TAFA4: variants seen among roughly 807,000 people sequenced by gnomAD.
The protein encoded by TAFA4 is TAFA chemokine like family member 4.
A neutral mutation model predicts 21.1 loss-of-function variants in TAFA4; 20 were observed. The ratio of observed to expected loss-of-function variants is 0.95; its 90% CI spans 0.67 to 1.38. The LOEUF (loss-of-function observed/expected upper bound fraction) is 1.38. Among genes scored for constraint, TAFA4 ranks in the 40% most tolerant of loss-of-function variants. The pLI is 0.00. For synonymous variants in TAFA4, 71 were observed against 67.4 expected, an observed-to-expected ratio of 1.05 and a Z score of -0.26; for missense variants, 211 against 180.9, an observed-to-expected ratio of 1.17 and a Z score of -0.95.
intron 3 of TAFA4, among the ~76,000 whole-genome samples, chr3:68,760,650 T>C (rs949113113): frequency 1.3e-5 from 2 of 152,170 alleles, no homozygotes; most frequent in Non-Finnish European, 2.9e-5. Flanking sequence ...GGGAGCAGAA[T>C]AGAGGAAAGA....
intron 1 of TAFA4, among the ~76,000 whole-genome samples, chr3:68,910,527 C>G (rs188072724): frequency 6.6e-6 from 1 of 152,286 alleles, no homozygotes; most frequent in East Asian, 1.9e-4. Flanking sequence ...AAAAGAGAAG[C>G]GAGCCAACCC....
intron 3 of TAFA4, among the ~76,000 whole-genome samples, chr3:68,863,970 G>C (rs1456183141): frequency 6.6e-6 from 1 of 151,992 alleles, no homozygotes; most frequent in African/African-American, 2.4e-5. Context: ...ATGGATCACA[G>C]TCCTAAATAT....
At chr3:68,858,086 G>A (rs969220610) in intron 3 of TAFA4, among the ~76,000 whole-genome samples, 4 of 152,132 alleles carry the variant, frequency 2.6e-5, no homozygotes, top group African/African-American at 4.8e-5. Context: ...TCAGCAATCA[G>A]TATGGCAGTG....
intron 4 of TAFA4, among the ~76,000 whole-genome samples, chr3:68,742,868 A>C (rs928392982): frequency 6.6e-6 from 1 of 152,230 alleles, no homozygotes; most frequent in Non-Finnish European, 1.5e-5. Context: ...CTAGAGCCCA[A>C]GTGCTAACGC....
Position 68,737,724 on chromosome 3 carries a change from T to G in TAFA4, c.411+1351A>C, listed in dbSNP as rs192420020. On this transcript the variant is annotated intron_variant, in intron 5 of 5. Coordinates refer to ENST00000295569, the MANE Select transcript of TAFA4 (RefSeq NM_182522.5). ...CACTTAGAAGGAGAACTGGCCTGTT[T>G]TTGACCTCCATGGCTGAAGATGAAT... Among the ~76,000 whole-genome samples the G allele has an allele frequency of 5.9e-5, 9 of 152,338 alleles. No individual in the cohort carries two copies. The East Asian group carries it at 1.7e-3, about 29-fold the overall frequency.
At chr3:68,734,961 TCA>T (rs1314678255) in intron 5 of TAFA4, among the ~76,000 whole-genome samples, 2 of 152,182 alleles carry the variant, frequency 1.3e-5, no homozygotes, top group African/African-American at 2.4e-5. Flanking sequence ...TAAAATGCTC[TCA>T]GACTTATTTT....
intron 3 of TAFA4, among the ~76,000 whole-genome samples, chr3:68,798,786 C>A: frequency 6.6e-6 from 1 of 151,932 alleles, no homozygotes; most frequent in East Asian, 1.9e-4. Flanking sequence ...AATAAAACTA[C>A]ATACAAGATA....
chr3:68,852,985 G>A (rs911091064), intron 3 of TAFA4, among the ~76,000 whole-genome samples: 1 of 152,108 alleles, frequency 6.6e-6, no homozygotes, highest in African/African-American at 2.4e-5. Flanking sequence ...GTGTTCTGAA[G>A]TAATTCCTCC....
chr3:68,833,480 T>C (rs1334850304), intron 3 of TAFA4, among the ~76,000 whole-genome samples: 1 of 152,170 alleles, frequency 6.6e-6, no homozygotes, highest in African/African-American at 2.4e-5. Flanking sequence ...TTGTAGCATG[T>C]CTGAGGAGCT....
chr3:68,877,639 T>C (rs1031981212), intron 3 of TAFA4, among the ~76,000 whole-genome samples: 8 of 152,208 alleles, frequency 5.3e-5, no homozygotes. Flanking sequence ...TTTCTCTCCT[T>C]AAGGTTGAGC....
chr3:68,795,222 C>A (rs1703432790), intron 3 of TAFA4, among the ~76,000 whole-genome samples: 1 of 151,416 alleles, frequency 6.6e-6, no homozygotes, highest in South Asian at 2.1e-4. Flanking sequence ...GATTCAGATA[C>A]TGATAACAGA....
intron 1 of TAFA4, among the ~76,000 whole-genome samples, chr3:68,898,808 A>G (rs2089817523): frequency 6.6e-6 from 1 of 152,082 alleles, no homozygotes; most frequent in African/African-American, 2.4e-5. Flanking sequence ...AAATAAGTAA[A>G]CCCGTTTACT....
chr3:68,914,292 GA>G (rs1398551671), intron 1 of TAFA4, among the ~76,000 whole-genome samples: 1 of 152,128 alleles, frequency 6.6e-6, no homozygotes, highest in Non-Finnish European at 1.5e-5. Context: ...CTGTCAAAGA[GA>G]AAAAAGTAAG....
chr3:68,826,269 G>T (rs889100145), intron 3 of TAFA4, among the ~76,000 whole-genome samples: 1 of 152,080 alleles, frequency 6.6e-6, no homozygotes, highest in Admixed American at 6.6e-5. Flanking sequence ...GCATAAAAAG[G>T]GATAATAAGA....
chr3:68,821,314 A>G (rs1424854606), intron 3 of TAFA4, among the ~76,000 whole-genome samples: 1 of 150,656 alleles, frequency 6.6e-6, no homozygotes, highest in African/African-American at 2.4e-5. Context: ...CACTATGTAG[A>G]CAACCTCCCT....
At chr3:68,826,703 G>C (rs992983507) in intron 3 of TAFA4, among the ~76,000 whole-genome samples, 7 of 152,178 alleles carry the variant, frequency 4.6e-5, no homozygotes, top group African/African-American at 1.7e-4. Flanking sequence ...TATCTGGCAA[G>C]GAAGGGAAAG....
At chr3:68,909,718 C>G (rs766587197) in intron 1 of TAFA4, among the ~76,000 whole-genome samples, 3 of 152,190 alleles carry the variant, frequency 2.0e-5, no homozygotes, top group Non-Finnish European at 1.5e-5. Flanking sequence ...AATCCTGACA[C>G]GTAATTCACA....
At chr3:68,817,980 T>C (rs1327589923) in intron 3 of TAFA4, among the ~76,000 whole-genome samples, 1 of 152,162 alleles carries the variant, frequency 6.6e-6, no homozygotes, top group African/African-American at 2.4e-5. Context: ...CTTTGAAGCT[T>C]TGGAGCCTAG....
At chr3:68,734,831 G>A (rs568039876) in intron 5 of TAFA4, among the ~76,000 whole-genome samples, 38 of 152,212 alleles carry the variant, frequency 2.5e-4, no homozygotes, top group African/African-American at 8.2e-4. Context: ...CTATTGTGAT[G>A]TTAGCTCTTT....
Sources: gnomAD v4.1 joint callset for allele counts (sites outside exome capture counted in the v4.1 genomes callset) on GRCh38, gnomAD v4.1.1 for gene constraint, MANE v1.5 for transcripts, NCBI Gene and HGNC (gene_info 2026-07-23, HGNC 2026-07-21) for gene names.